Variants in TEP1 observed in about 807,000 individuals in gnomAD.
TEP1 encodes the protein telomerase associated protein 1.
Under a neutral mutation model 306.3 loss-of-function variants are expected in TEP1, and 241 were observed. That is an observed-to-expected ratio of 0.79 (90% CI 0.71 to 0.88). The LOEUF (loss-of-function observed/expected upper bound fraction) is 0.88, where lower values mean the gene tolerates loss of function less well. TEP1 is among the 40% of genes least tolerant of loss of function. TEP1 has a pLI of 0.00. For synonymous variants in TEP1, 1,289 were observed against 1,305.5 expected (o/e 0.99, Z 0.27); for missense variants, 3,051 against 3,276.1 (o/e 0.93, Z 1.68).
intron 10 of TEP1, 46 bp downstream of exon 10, chr14:20,396,575 C>G: frequency 2.0e-6 from 3 of 1,531,330 alleles, no homozygotes; most frequent in Non-Finnish European, 2.7e-6. Context: ...TCTCCACGTG[C>G]ACATCTAGTT....
In TEP1 at chr14:20,395,967, G is replaced by A; in HGVS notation, c.1660-18C>T. Reference sequence around the variant, plus strand: ...ACCGACTTCTAGAAAGCAAAGGAGGGAGGGGTCATGAGCACAGGAGCCGGG... The same window carrying A: ...ACCGACTTCTAGAAAGCAAAGGAGGAAGGGGTCATGAGCACAGGAGCCGGG... On this transcript the variant is annotated intron_variant, in intron 10 of 54. Transcript: ENST00000262715. The A allele has an allele frequency of 6.2e-7, 1 of 1,609,174 alleles. No individual in the cohort carries two copies. The highest frequency in any genetic ancestry group is 1.3e-5 in the African/African-American group (1 of 74,926).
chr14:20,393,237 A>G (rs879322654), intron 12 of TEP1, among the ~76,000 whole-genome samples: 1 of 152,082 alleles, frequency 6.6e-6, no homozygotes, highest in Non-Finnish European at 1.5e-5. Context: ...AGAGAAGAAA[A>G]AAAAGAAAAT....
intron 47 of TEP1, 36 bp downstream of exon 47, chr14:20,373,234 A>C (rs1884963044): frequency 6.2e-7 from 1 of 1,612,176 alleles, no homozygotes; most frequent in Non-Finnish European, 8.5e-7. Context: ...TTTTTGTGCC[A>C]GTAACACACC....
At chr14:20,384,843 C>A (rs1047777063) in intron 21 of TEP1, 130 bp from the exon 22 acceptor site, 5 of 1,491,526 alleles carry the variant, frequency 3.4e-6, no homozygotes, top group African/African-American at 1.4e-5. Context: ...AGCACCAAGG[C>A]TGACGTGGGG....
At chr14:20,403,345 GCA>G (rs1878908950) in intron 7 of TEP1, 30 bp downstream of exon 7, 2 of 1,611,844 alleles carry the variant, frequency 1.2e-6, no homozygotes, top group Non-Finnish European at 1.7e-6. Flanking sequence ...GATTGTACAT[GCA>G]CATATACAAC....
chr14:20,399,975 G>T (rs976068701), intron 9 of TEP1, among the ~76,000 whole-genome samples: 2 of 150,858 alleles, frequency 1.3e-5, no homozygotes, highest in Non-Finnish European at 3.0e-5. Flanking sequence ...CAGCCAATAT[G>T]GTGAAACGCC....
intron 1 of TEP1, among the ~76,000 whole-genome samples, chr14:20,410,704 T>C (rs1203622992): frequency 6.6e-6 from 1 of 150,884 alleles, no homozygotes; most frequent in Non-Finnish European, 1.5e-5. Flanking sequence ...CCTCCCAAAG[T>C]GCTGGGATTA....
At chr14:20,390,654 G>A in intron 15 of TEP1, 27 bp downstream of exon 15, 3 of 1,606,052 alleles carry the variant, frequency 1.9e-6, no homozygotes, top group Non-Finnish European at 2.6e-6. Flanking sequence ...GGGGGAGGGA[G>A]AGGGTTTCTC....
At chr14:20,409,157 T>C (rs1192355981) in intron 1 of TEP1, among the ~76,000 whole-genome samples, 2 of 152,232 alleles carry the variant, frequency 1.3e-5, no homozygotes, top group Non-Finnish European at 2.9e-5. Flanking sequence ...TAAATAAATA[T>C]ATCTTGGCCT....
intron 5 of TEP1, 144 bp downstream of exon 5, chr14:20,404,467 G>A: frequency 9.6e-7 from 1 of 1,036,326 alleles, no homozygotes; most frequent in Non-Finnish European, 1.3e-6. Flanking sequence ...CAGCCTAGTG[G>A]AGGGAGAAGC....
intron 51 of TEP1, among the ~76,000 whole-genome samples, chr14:20,370,987 A>G (rs1884796640): frequency 6.6e-6 from 1 of 152,254 alleles, no homozygotes; most frequent in Non-Finnish European, 1.5e-5. Flanking sequence ...TTCTAGGTTT[A>G]TGGTTTCCTA....
Position 20,381,735 on chromosome 14 carries a change from T to A in TEP1, c.4425-49A>T, listed in dbSNP as rs755375798. 1.3e-6 allele frequency: 2 copies of A among 1,546,858 alleles called. No individual in the cohort carries two copies. The highest frequency in any genetic ancestry group is 1.7e-6 in the Non-Finnish European group (2 of 1,149,774). On this transcript the variant is annotated intron_variant, in intron 30 of 54. Transcript: ENST00000262715. The surrounding 1 kb of genome is among the most constrained non-coding windows in gnomAD (Gnocchi z 4.0). ...AGAGAAGAAGGAAGAGGCCTGTCAG[T>A]GAGCTTCCTGGCACACAGTGGGCTC...
At chr14:20,404,044 C>T (rs1166955106) in intron 5 of TEP1, among the ~76,000 whole-genome samples, 160 bp from the exon 6 acceptor site, 1 of 152,170 alleles carries the variant, frequency 6.6e-6, no homozygotes, top group African/African-American at 2.4e-5. Context: ...ATTTTCATTT[C>T]TTCATTAGAA....
In TEP1 at chr14:20,391,001, A is replaced by C; in HGVS notation, c.2193T>G (p.Thr731=). Residue 731 remains threonine (T), a synonymous_variant, in exon 14 of 55, where the codon ACT becomes ACG. Transcript: ENST00000262715. ...VVLCGGDTLK[T]AVLKAEEGIL... ...TGCCTTCTTCTGCCTTAAGCACTGC[A>C]GTCTTCAGAGTGTCACCTCCACACA... 1.2e-6 allele frequency: 2 copies of C among 1,614,150 alleles called. No homozygotes were observed. Among genetic ancestry groups the C allele is most frequent in the East Asian group, 4.5e-5 (2 of 44,884 alleles).
intron 4 of TEP1, 44 bp from the exon 5 acceptor site, chr14:20,404,816 C>G: frequency 6.4e-7 from 1 of 1,554,120 alleles, no homozygotes; most frequent in Non-Finnish European, 8.7e-7. Flanking sequence ...TCACTCCTCC[C>G]GTAGCTTTCT....
Position 20,379,018 on chromosome 14 carries a change from C to T in TEP1, c.5215G>A (p.Gly1739Arg), listed in dbSNP as rs1374733474. 1.9e-5 allele frequency: 31 copies of T among 1,614,210 alleles called. No individual in the cohort carries two copies. Among genetic ancestry groups the T allele is most frequent in the Non-Finnish European group, 2.6e-5 (31 of 1,180,046 alleles). The part of the protein sequence containing the change: ...DDTLFLTAFD[G>R]LLELWDLQHG... ...TGCAGGTCCCAGAGCTCCAGGAGCCCGTCGAAGGCAGTAAGAAAGAGTGTA... is the reference window on the plus strand; with the variant it reads ...TGCAGGTCCCAGAGCTCCAGGAGCCTGTCGAAGGCAGTAAGAAAGAGTGTA... Residue 1739 changes from glycine to arginine, a missense_variant, in exon 36 of 55, where the codon GGG becomes AGG. Gly to Arg is a moderately radical substitution (Grantham distance 125, BLOSUM62 -2). Coordinates refer to ENST00000262715, the MANE Select transcript of TEP1 (RefSeq NM_007110.5).
At chr14:20,380,116 A>G (rs891132442) in intron 34 of TEP1, 63 bp from the exon 35 acceptor site, 12 of 1,589,010 alleles carry the variant, frequency 7.6e-6, no homozygotes, top group Non-Finnish European at 1.0e-5. Flanking sequence ...GAGTTGATTT[A>G]TGTGCTTCTG....
intron 54 of TEP1, 91 bp downstream of exon 54, chr14:20,368,707 T>C (rs1490143490): frequency 2.3e-5 from 35 of 1,536,468 alleles, no homozygotes; most frequent in Non-Finnish European, 2.9e-5. Context: ...TTTTGCCCTT[T>C]CTTACTCTAA....
intron 3 of TEP1, 54 bp downstream of exon 3, chr14:20,406,179 A>C: frequency 6.3e-7 from 1 of 1,594,246 alleles, no homozygotes; most frequent in Non-Finnish European, 8.6e-7. Context: ...GTACTCCACC[A>C]CCAACCTCCC....
Sources: gnomAD v4.1 joint callset for allele counts (sites outside exome capture counted in the v4.1 genomes callset) on GRCh38, gnomAD v4.1.1 for gene constraint, Gnocchi (gnomAD v3.1) non-coding constraint, MANE v1.5 for transcripts, NCBI Gene and HGNC (gene_info 2026-07-23, HGNC 2026-07-21) for gene names.